Variants in KLHDC1 observed in about 807,000 individuals in gnomAD.
The protein encoded by KLHDC1 is kelch domain-containing protein 1.
Under a neutral mutation model 68.3 loss-of-function variants are expected in KLHDC1, and 53 were observed. The observed-to-expected ratio is 0.78, with a 90% CI of 0.62 to 0.98. The LOEUF (loss-of-function observed/expected upper bound fraction) is 0.98, where lower values mean the gene tolerates loss of function less well. Ranked by LOEUF, KLHDC1 falls within the 50% of genes least tolerant of loss-of-function variation. The pLI is 0.00. For missense variants in KLHDC1, 470 were observed against 492.3 expected (o/e 0.95, Z 0.43); for synonymous variants, 148 against 159.0 (o/e 0.93, Z 0.52).
chr14:49,703,921 C>T (rs1281759043), intron 1 of KLHDC1, among the ~76,000 whole-genome samples: 1 of 151,868 alleles, frequency 6.6e-6, no homozygotes, highest in East Asian at 1.9e-4. Flanking sequence ...TTATAACATG[C>T]TTCCTATTGT....
chr14:49,713,811 TATATATATATATATATATATATA>T (rs1888275337), intron 4 of KLHDC1, among the ~76,000 whole-genome samples: 3 of 3,760 alleles, frequency 8.0e-4, no homozygotes, highest in African/African-American at 1.0e-3. Context: ...TATATATATA[TATATATATATATATATATATATA>T]TATATATATA....
Position 49,729,510 on chromosome 14 carries a change from G to C in KLHDC1, c.672G>C (p.Leu224Phe), listed in dbSNP as rs753160913. ...GRVLQTRMNDLHYLNLDTWTW... is the reference protein window; with the variant it reads ...GRVLQTRMNDFHYLNLDTWTW... The stretch of plus-strand genomic sequence containing the variant: ...TTTAGCAAACTAGGATGAATGATTT[G>C]CACTATCTAAACCTAGACACCTGGA... The change falls in exon 8 of 13, where the codon TTG (leucine) becomes TTC (phenylalanine). Residue 224 changes from leucine to phenylalanine, a missense_variant. Transcript: ENST00000359332. 6.2e-7 allele frequency: 1 copy of C among 1,610,520 alleles called. No homozygotes were observed. Among genetic ancestry groups the C allele is most frequent in the African/African-American group, 1.3e-5 (1 of 74,822 alleles).
At chr14:49,704,872 T>A (rs1888006742) in intron 1 of KLHDC1, among the ~76,000 whole-genome samples, 1 of 152,186 alleles carries the variant, frequency 6.6e-6, no homozygotes, top group Non-Finnish European at 1.5e-5. Context: ...TTTATTTGTC[T>A]TTTATGTGTG....
intron 1 of KLHDC1, among the ~76,000 whole-genome samples, chr14:49,694,637 TG>T (rs771927333): frequency 2.1e-3 from 312 of 152,166 alleles, no homozygotes; most frequent in Non-Finnish European, 3.6e-3. Context: ...GTGGATTACC[TG>T]AAGTCAGGAG....
At chr14:49,748,886 C>T (rs1057071813) in intron 12 of KLHDC1, among the ~76,000 whole-genome samples, 4 of 151,570 alleles carry the variant, frequency 2.6e-5, no homozygotes, top group Admixed American at 2.0e-4. Context: ...CTGCAACCTC[C>T]GCCTCCTGGG....
At chr14:49,749,300 C>A (rs1199910283) in intron 12 of KLHDC1, among the ~76,000 whole-genome samples, 2 of 151,970 alleles carry the variant, frequency 1.3e-5, no homozygotes, top group African/African-American at 4.8e-5. Context: ...TAATATCTTT[C>A]ATGTAAATAA....
intron 1 of KLHDC1, among the ~76,000 whole-genome samples, chr14:49,705,365 C>CTTTTTTGTTTTTTTTTTTTTTTT (rs1888021056): frequency 1.4e-5 from 1 of 71,664 alleles, no homozygotes; most frequent in Non-Finnish European, 2.4e-5. Flanking sequence ...TTCTTTCTTT[C>CTTTTTTGTTTTTTTTTTTTTTTT]TTTTTTTTTT....
chr14:49,737,884 A>C (rs1888968909), intron 10 of KLHDC1, among the ~76,000 whole-genome samples: 2 of 151,596 alleles, frequency 1.3e-5, no homozygotes, highest in Admixed American at 6.6e-5. Flanking sequence ...AAAAAAAAAA[A>C]AACAAGGAAT....
At position 49,693,279 on chromosome 14, in the gene KLHDC1, G is replaced by C. The variant is rs748519693; in HGVS notation, c.85G>C (p.Gly29Arg). Residue 29 changes from glycine (G) to arginine (R), a missense_variant, in exon 1 of 13, where the codon GGG becomes CGG. Coordinates refer to ENST00000359332, the MANE Select transcript of KLHDC1 (RefSeq NM_172193.3). ...GGACGGAAACTTCCTCTACGTGTGG[G>C]GGGGCTACGTGGTAAGGGGAAGAGG... ...VVDGNFLYVW[G>R]GYVSIEDNEV... The C allele has an allele frequency of 2.5e-5, 39 of 1,553,552 alleles. No individual in the cohort carries two copies. Among genetic ancestry groups the C allele is most frequent in the Non-Finnish European group, 3.2e-5 (37 of 1,151,398 alleles).
intron 1 of KLHDC1, among the ~76,000 whole-genome samples, chr14:49,693,742 C>CTTTTTTTTTTTTT (rs1566589138): frequency 8.2e-5 from 5 of 60,924 alleles, no homozygotes; most frequent in African/African-American, 2.2e-4. Flanking sequence ...ATTTTCTTTT[C>CTTTTTTTTTTTTT]TTTTTCTTTT....
chr14:49,728,636 A>G (rs890713780), intron 6 of KLHDC1, among the ~76,000 whole-genome samples: 2 of 152,222 alleles, frequency 1.3e-5, no homozygotes, highest in African/African-American at 4.8e-5. Flanking sequence ...AAATCTTTAT[A>G]CAGTATTTCA....
At chr14:49,748,350 G>A (rs1240439919) in intron 12 of KLHDC1, among the ~76,000 whole-genome samples, 1 of 152,110 alleles carries the variant, frequency 6.6e-6, no homozygotes, top group East Asian at 1.9e-4. Flanking sequence ...TGGAGATGAG[G>A]GAAAATGTGT....
At chr14:49,719,460 G>A (rs943551382) in intron 4 of KLHDC1, among the ~76,000 whole-genome samples, 2 of 150,300 alleles carry the variant, frequency 1.3e-5, no homozygotes, top group African/African-American at 4.9e-5. Context: ...ACAGAGTCTC[G>A]CTCTGTTGTC....
chr14:49,745,294 T>G (rs774492841), intron 12 of KLHDC1, among the ~76,000 whole-genome samples: 25 of 152,142 alleles, frequency 1.6e-4, no homozygotes, highest in Non-Finnish European at 3.2e-4. Context: ...TAAACTCTCA[T>G]GAGGGGCTTC....
At chr14:49,706,269 T>C (rs915895416) in intron 1 of KLHDC1, among the ~76,000 whole-genome samples, 15 of 152,218 alleles carry the variant, frequency 9.9e-5, no homozygotes, top group African/African-American at 3.6e-4. Context: ...TTCATTTAGC[T>C]AATGACCTCT....
chr14:49,704,172 T>C (rs1273675741), intron 1 of KLHDC1, among the ~76,000 whole-genome samples: 2 of 152,218 alleles, frequency 1.3e-5, no homozygotes, highest in East Asian at 3.8e-4. Context: ...TTGTGGTTTT[T>C]GTTTTCATTT....
chr14:49,713,835 TATATATATATATATA>T (rs1594659520), intron 4 of KLHDC1, among the ~76,000 whole-genome samples: 258 of 9,656 alleles, frequency 0.027, 16 homozygotes, highest in African/African-American at 0.076. Flanking sequence ...TATATATATA[TATATATATATATATA>T]TTTTTTTTTT....
intron 8 of KLHDC1, among the ~76,000 whole-genome samples, chr14:49,730,054 G>A (rs1888764484): frequency 6.6e-6 from 1 of 152,032 alleles, no homozygotes; most frequent in Non-Finnish European, 1.5e-5. Flanking sequence ...TAAAATGTTG[G>A]CATGGAGAAA....
chr14:49,709,056 G>T, intron 1 of KLHDC1, 103 bp from the exon 2 acceptor site: 2 of 566,690 alleles, frequency 3.5e-6, no homozygotes, highest in Admixed American at 3.8e-5. Flanking sequence ...GCCTTCTTTT[G>T]TGTTTTATAG....
Sources: allele counts gnomAD v4.1 joint callset (sites outside exome capture counted in the v4.1 genomes callset), GRCh38; gene constraint gnomAD v4.1.1; transcripts MANE v1.5; gene names NCBI Gene and HGNC (gene_info 2026-07-23, HGNC 2026-07-21).